Variants in SLC11A2 observed in about 807,000 individuals in gnomAD.
The protein encoded by SLC11A2 is natural resistance-associated macrophage protein 2.
In SLC11A2, 38 loss-of-function variants were observed where a neutral mutation model predicts 68.0. That is an observed-to-expected ratio of 0.56 (90% CI 0.43 to 0.73). SLC11A2 has a LOEUF of 0.73. Among genes scored for constraint, SLC11A2 ranks in the 30% least tolerant of loss-of-function variants. The probability of loss-of-function intolerance (pLI) is 0.00; values close to 1 mark genes in which losing one functional copy is unlikely to be tolerated. For synonymous variants in SLC11A2, 242 were observed against 250.6 expected, an observed-to-expected ratio of 0.97 and a Z score of 0.32; for missense variants, 517 against 690.5, an observed-to-expected ratio of 0.75 and a Z score of 2.82.
the SLC11A2 span, among the ~76,000 whole-genome samples, chr12:50,969,772 G>C: frequency 3.3e-5 from 5 of 151,964 alleles, no homozygotes; most frequent in Admixed American, 3.3e-4. Context: ...ACTCAGAAGA[G>C]GGATCTAATT....
chr12:50,957,188 T>C, the SLC11A2 span, among the ~76,000 whole-genome samples: 1 of 151,854 alleles, frequency 6.6e-6, no homozygotes, highest in Non-Finnish European at 1.5e-5. Context: ...AAACATGCTA[T>C]CCACATAAAA....
At chr12:50,967,113 CAA>C in the SLC11A2 span, among the ~76,000 whole-genome samples, 14,646 of 131,822 alleles carry the variant, frequency 0.11, 1,119 homozygotes, top group African/African-American at 0.23. Context: ...GACTCAGTCT[CAA>C]AAAAAAAAAA....
chr12:50,974,158 G>A, the SLC11A2 span, among the ~76,000 whole-genome samples: 1 of 151,732 alleles, frequency 6.6e-6, no homozygotes, highest in Non-Finnish European at 1.5e-5. Context: ...GATACTCCTC[G>A]AGAAGAGCAA....
At chr12:50,952,325 GAC>G in the SLC11A2 span, among the ~76,000 whole-genome samples, 1 of 152,120 alleles carries the variant, frequency 6.6e-6, no homozygotes, top group South Asian at 2.1e-4. Flanking sequence ...GCGGGTACCA[GAC>G]ACACAGTTCT....
downstream of SLC11A2, among the ~76,000 whole-genome samples, chr12:50,979,061 G>A (rs184320261): frequency 7.9e-5 from 12 of 152,122 alleles, no homozygotes; most frequent in East Asian, 2.1e-3. Context: ...TTGAACCCCA[G>A]GAATTAAGTG....
chr12:51,006,960 T>C (rs1014739458), intron 3 of SLC11A2, among the ~76,000 whole-genome samples: 1 of 152,032 alleles, frequency 6.6e-6, no homozygotes, highest in Non-Finnish European at 1.5e-5. Flanking sequence ...CCCAAGCTGG[T>C]TGGTCTCGAA....
chr12:50,973,267 C>T, the SLC11A2 span, among the ~76,000 whole-genome samples: 2 of 152,288 alleles, frequency 1.3e-5, no homozygotes, highest in South Asian at 2.1e-4. Flanking sequence ...ACACCTCACA[C>T]GGCCGGGTAT....
chr12:51,022,790 TAGG>T (rs952947310), intron 1 of SLC11A2, among the ~76,000 whole-genome samples: 42 of 152,338 alleles, frequency 2.8e-4, no homozygotes, highest in African/African-American at 9.6e-4. Context: ...TTTCATTTCC[TAGG>T]AGTTTTAACA....
At chr12:50,952,966 A>C in the SLC11A2 span, among the ~76,000 whole-genome samples, 2 of 152,184 alleles carry the variant, frequency 1.3e-5, no homozygotes, top group African/African-American at 4.8e-5. Flanking sequence ...AGGCAGACTT[A>C]AGCAAATGCA....
intron 1 of SLC11A2, among the ~76,000 whole-genome samples, chr12:51,015,029 G>A (rs888883098): frequency 2.0e-5 from 3 of 151,016 alleles, no homozygotes; most frequent in Non-Finnish European, 2.9e-5. Context: ...GCGTGGTGGC[G>A]CATGCCTGTA....
chr12:50,962,218 T>C, the SLC11A2 span, among the ~76,000 whole-genome samples: 559 of 147,488 alleles, frequency 3.8e-3, 7 homozygotes, highest in African/African-American at 0.013. Flanking sequence ...AAACCCCATC[T>C]CTACTAAAAA....
chr12:50,954,194 C>A, the SLC11A2 span: 1 of 715,176 alleles, frequency 1.4e-6, no homozygotes, highest in Non-Finnish European at 2.4e-6. Flanking sequence ...TGAATTTTTT[C>A]AGATAATTGA....
the SLC11A2 span, chr12:50,953,839 G>C: frequency 3.7e-6 from 2 of 545,510 alleles, no homozygotes; most frequent in South Asian, 5.1e-5. Context: ...GTAGTGAAAA[G>C]TGTGAAGGAA....
chr12:50,973,915 G>A, the SLC11A2 span, among the ~76,000 whole-genome samples: 6 of 152,180 alleles, frequency 3.9e-5, no homozygotes, highest in South Asian at 2.1e-4. Flanking sequence ...TGAATGAAAT[G>A]AAGTGAGAAG....
chr12:51,017,405 A>G (rs1000489314), intron 1 of SLC11A2, among the ~76,000 whole-genome samples: 1 of 152,202 alleles, frequency 6.6e-6, no homozygotes, highest in Non-Finnish European at 1.5e-5. Context: ...TCATGTATGT[A>G]GCAAAAAGAA....
the SLC11A2 span, among the ~76,000 whole-genome samples, chr12:50,962,013 C>A: frequency 6.6e-6 from 1 of 152,158 alleles, no homozygotes; most frequent in Non-Finnish European, 1.5e-5. Context: ...AGTCCCTACC[C>A]TTAAACAGTT....
chr12:51,012,920 TG>T (rs1321769009), intron 1 of SLC11A2, among the ~76,000 whole-genome samples: 1 of 152,348 alleles, frequency 6.6e-6, no homozygotes, highest in Admixed American at 6.5e-5. Flanking sequence ...TTTAAATATT[TG>T]ACCACTCAGA....
At chr12:51,021,552 G>C in intron 1 of SLC11A2, among the ~76,000 whole-genome samples, 1 of 151,898 alleles carries the variant, frequency 6.6e-6, no homozygotes, top group Non-Finnish European at 1.5e-5. Flanking sequence ...GCTTGAGCCT[G>C]GGAGGCAGAG....
rs774056905 is a variant in SLC11A2 at position 50,996,870 on chromosome 12, C to T, written c.778G>A (p.Val260Met). The T allele has an allele frequency of 6.8e-6, 11 of 1,613,968 alleles. No individual in the cohort carries two copies. Among genetic ancestry groups the T allele is most frequent in the South Asian group, 5.5e-5 (5 of 91,086 alleles). The change falls in exon 9 of 16, where the codon GTG becomes ATG. Residue 260 changes from valine (V) to methionine (M), a missense_variant. Val to Met is a conservative substitution (Grantham distance 21). Transcript: ENST00000262052. ...TPQIEQAVGI[V>M]GAVIMPHNMY... is the part of the protein sequence containing the mutation. ...TTGTGTGGCATGATGACAGCTCCCA[C>T]GATGCCCACAGCCTGTTCAATCTGT...
Sources: gnomAD v4.1 joint callset for allele counts (sites outside exome capture counted in the v4.1 genomes callset) on GRCh38, gnomAD v4.1.1 for gene constraint, MANE v1.5 for transcripts, NCBI Gene and HGNC (gene_info 2026-07-23, HGNC 2026-07-21) for gene names.